Variants in NXPE4 observed in about 807,000 individuals in gnomAD.
NXPE4 encodes the protein NXPE family member 4.
NXPE4 carries 42 observed loss-of-function variants against 33.3 expected under a neutral mutation model. The observed-to-expected ratio is 1.26, with a 90% CI of 0.98 to 1.63. The LOEUF (loss-of-function observed/expected upper bound fraction) is 1.63. NXPE4 is among the 40% of genes most tolerant of loss of function. The probability of loss-of-function intolerance (pLI) is 0.00; values close to 1 mark genes in which losing one functional copy is unlikely to be tolerated. For missense variants in NXPE4, 709 were observed against 647.6 expected, an observed-to-expected ratio of 1.09 and a Z score of -1.03; for synonymous variants, 253 against 234.9, an observed-to-expected ratio of 1.08 and a Z score of -0.71.
the NXPE4 span, among the ~76,000 whole-genome samples, chr11:114,612,831 A>T: frequency 6.6e-6 from 1 of 151,748 alleles, no homozygotes; most frequent in Non-Finnish European, 1.5e-5. Context: ...TACCCAGAGG[A>T]TAGTAAGTAT....
chr11:114,582,334 T>G lies in NXPE4; in HGVS notation c.784A>C (p.Lys262Gln). Residue 262 changes from lysine (K) to glutamine (Q), a missense_variant, in exon 3 of 6, where the codon AAG becomes CAG. Coordinates refer to ENST00000375478, the MANE Select transcript of NXPE4 (RefSeq NM_001077639.2). ...AALTHMYSKN[K>Q]KVSYLSKQEK... ...TGTTTGCTAAGATAAGAAACTTTCT[T>G]GTTCTTAGAATACATGTGAGTGAGT... The G allele has an allele frequency of 1.3e-6, 2 of 1,599,310 alleles. No homozygotes were observed. Among genetic ancestry groups the G allele is most frequent in the Non-Finnish European group, 1.7e-6 (2 of 1,172,342 alleles).
At chr11:114,638,335 C>T in the NXPE4 span, among the ~76,000 whole-genome samples, 33 of 152,092 alleles carry the variant, frequency 2.2e-4, no homozygotes, top group African/African-American at 6.7e-4. Flanking sequence ...AAGCACTTCT[C>T]TGTATTGGTT....
At chr11:114,633,579 C>T in the NXPE4 span, among the ~76,000 whole-genome samples, 1 of 151,484 alleles carries the variant, frequency 6.6e-6, no homozygotes, top group East Asian at 1.9e-4. Flanking sequence ...CGTCATTTAG[C>T]ATTAGGTATA....
rs534128994 is a variant in NXPE4, at chr11:114,587,085, C to T, written c.97-4064G>A. Among the ~76,000 whole-genome samples, 7 of 152,216 alleles carry T rather than the reference C, an allele frequency of 4.6e-5. No individual in the cohort carries two copies. The East Asian group carries it at 5.8e-4, about 13-fold the overall frequency. ...CATGAGGCATATTGTTGGCCCTTTG[C>T]GGAAACACTCTTAACTTCCTAATTC... On this transcript the variant is annotated intron_variant, in intron 2 of 5. Transcript: ENST00000375478.
chr11:114,646,621 A>T, the NXPE4 span, among the ~76,000 whole-genome samples: 1 of 152,168 alleles, frequency 6.6e-6, no homozygotes, highest in South Asian at 2.1e-4. Flanking sequence ...GCATCAAAAT[A>T]ACAAGTATTT....
chr11:114,629,699 G>C, the NXPE4 span, among the ~76,000 whole-genome samples: 1 of 151,866 alleles, frequency 6.6e-6, no homozygotes, highest in Non-Finnish European at 1.5e-5. Flanking sequence ...GGGAATAAAG[G>C]GTATTCAATT....
intron 5 of NXPE4, among the ~76,000 whole-genome samples, chr11:114,578,383 TC>T (rs1949062738): frequency 6.6e-6 from 1 of 152,194 alleles, no homozygotes; most frequent in Admixed American, 6.6e-5. Flanking sequence ...GGTAGGTAAC[TC>T]CATAACTCAG....
the NXPE4 span, among the ~76,000 whole-genome samples, chr11:114,622,292 GATA>G: frequency 1.3e-5 from 2 of 151,818 alleles, no homozygotes; most frequent in African/African-American, 4.8e-5. Context: ...TTACCTGCTG[GATA>G]ATAATTGTTG....
the NXPE4 span, among the ~76,000 whole-genome samples, chr11:114,639,087 A>T: frequency 6.6e-6 from 1 of 152,098 alleles, no homozygotes; most frequent in Non-Finnish European, 1.5e-5. Context: ...CTACAGAGGC[A>T]GGCAGCCCTC....
chr11:114,644,013 C>G, the NXPE4 span, among the ~76,000 whole-genome samples: 1 of 151,994 alleles, frequency 6.6e-6, no homozygotes, highest in Admixed American at 6.6e-5. Context: ...GCATTTTATT[C>G]TCTTTGCAGC....
At chr11:114,670,156 C>T in the NXPE4 span, among the ~76,000 whole-genome samples, 1 of 151,998 alleles carries the variant, frequency 6.6e-6, no homozygotes, top group South Asian at 2.1e-4. Context: ...TGCCCCAGGA[C>T]CTTGTGGGGA....
chr11:114,603,599 T>C, the NXPE4 span, among the ~76,000 whole-genome samples: 133 of 151,196 alleles, frequency 8.8e-4, no homozygotes, highest in African/African-American at 3.0e-3. Flanking sequence ...TATTACCTGG[T>C]GGATGATAAG....
rs766889659 is a variant in NXPE4 at position 114,582,911 on chromosome 11, T to G, written c.207A>C (p.Glu69Asp). The G allele has an allele frequency of 1.9e-6, 3 of 1,614,150 alleles. No individual in the cohort carries two copies. Among genetic ancestry groups the G allele is most frequent in the Non-Finnish European group, 2.5e-6 (3 of 1,180,008 alleles). The change falls in exon 3 of 6, where the codon GAA becomes GAC. Residue 69 changes from glutamate (E) to aspartate (D), a missense_variant. By Grantham distance (45) the Glu-to-Asp change is conservative. Coordinates refer to ENST00000375478, the MANE Select transcript of NXPE4 (RefSeq NM_001077639.2). ...TCTCTATGATTTCCTTTATTCTGAGTTCAGTCTCTGTTAGTGGCTTTAATG... is the reference window on the plus strand; with the variant it reads ...TCTCTATGATTTCCTTTATTCTGAGGTCAGTCTCTGTTAGTGGCTTTAATG... ...LISLKPLTET[E>D]LRIKEIIEKL...
chr11:114,608,088 G>A, the NXPE4 span, among the ~76,000 whole-genome samples: 1 of 151,396 alleles, frequency 6.6e-6, no homozygotes, highest in East Asian at 2.0e-4. Context: ...TGTCTAATAA[G>A]TGTTGCCTCG....
At chr11:114,596,854 C>T (rs2135310062), upstream of NXPE4, among the ~76,000 whole-genome samples, 1 of 152,216 alleles carries the variant, frequency 6.6e-6, no homozygotes, top group South Asian at 2.1e-4. Context: ...AACCTGGAGT[C>T]TGTTTATGAG....
At chr11:114,630,467 C>G in the NXPE4 span, among the ~76,000 whole-genome samples, 4 of 151,610 alleles carry the variant, frequency 2.6e-5, no homozygotes, top group African/African-American at 7.3e-5. Context: ...ACTGGCTAGC[C>G]ATATGTAGAA....
chr11:114,582,683 T>A lies in NXPE4; in HGVS notation c.435A>T (p.Pro145=), dbSNP rs1424098643. The A allele has an allele frequency of 6.2e-7, 1 of 1,614,000 alleles. No individual in the cohort carries two copies. The highest frequency in any genetic ancestry group is 1.1e-5 in the South Asian group (1 of 91,086). ...TTCCTGAAGCACCTGCCATCAGCGC[T>A]GGGGAAGACATCCTGGCCCTCAGGA... The part of the protein sequence containing the change: ...GDFLRARMSS[P]ALMAGASGKV... The change falls in exon 3 of 6, where the codon CCA becomes CCT. Residue 145 remains proline, a synonymous_variant. Coordinates refer to ENST00000375478, the MANE Select transcript of NXPE4 (RefSeq NM_001077639.2).
the NXPE4 span, among the ~76,000 whole-genome samples, chr11:114,661,155 T>C: frequency 6.6e-6 from 1 of 152,198 alleles, no homozygotes; most frequent in Admixed American, 6.5e-5. Context: ...AGGTTCAATA[T>C]GATTAGGATA....
intron 5 of NXPE4, among the ~76,000 whole-genome samples, chr11:114,574,501 G>A (rs1016634746): frequency 2.0e-5 from 3 of 152,004 alleles, no homozygotes; most frequent in African/African-American, 7.2e-5. Context: ...AGCTCAATTA[G>A]AAATAAAACA....
Sources: allele counts gnomAD v4.1 joint callset (sites outside exome capture counted in the v4.1 genomes callset), GRCh38; gene constraint gnomAD v4.1.1; transcripts MANE v1.5; gene names NCBI Gene and HGNC (gene_info 2026-07-23, HGNC 2026-07-21).